Variants in FOXJ3 observed in about 807,000 individuals in gnomAD.
FOXJ3 encodes forkhead box protein J3.
FOXJ3 carries 22 observed loss-of-function variants against 76.1 expected under a neutral mutation model. The observed-to-expected ratio is 0.29, with a 90% CI of 0.21 to 0.41. The LOEUF (loss-of-function observed/expected upper bound fraction) is 0.41, where lower values mean the gene tolerates loss of function less well. FOXJ3 is among the 10% of genes least tolerant of loss of function. FOXJ3 has a pLI of 1.00. For missense variants in FOXJ3, 613 were observed against 762.1 expected, an observed-to-expected ratio of 0.80 and a Z score of 2.30; for synonymous variants, 269 against 261.2, an observed-to-expected ratio of 1.03 and a Z score of -0.29.
chr1:42,275,223 A>C (rs967880247), intron 3 of FOXJ3, among the ~76,000 whole-genome samples: 1 of 152,206 alleles, frequency 6.6e-6, no homozygotes, highest in Non-Finnish European at 1.5e-5. Context: ...AATGTCTCTA[A>C]TAAATCCAGT....
chr1:42,199,676 A>G (rs1646721519), intron 6 of FOXJ3, among the ~76,000 whole-genome samples: 2 of 151,992 alleles, frequency 1.3e-5, no homozygotes, highest in Non-Finnish European at 2.9e-5. Context: ...TATTTTTAAT[A>G]CTGAAGATTG....
chr1:42,251,196 G>T (rs1022245504), intron 4 of FOXJ3, among the ~76,000 whole-genome samples: 1 of 152,082 alleles, frequency 6.6e-6, no homozygotes. Context: ...AAAGTGACAG[G>T]GGTTTGGGGG....
chr1:42,285,117 T>C (rs1031328308), intron 2 of FOXJ3, among the ~76,000 whole-genome samples: 1 of 152,186 alleles, frequency 6.6e-6, no homozygotes, highest in Admixed American at 6.5e-5. Flanking sequence ...TTTCCTTCAA[T>C]TTTTATTATA....
At chr1:42,225,246 T>C (rs1232597278) in intron 5 of FOXJ3, among the ~76,000 whole-genome samples, 2 of 152,020 alleles carry the variant, frequency 1.3e-5, no homozygotes, top group Non-Finnish European at 2.9e-5. Context: ...CTTAGAGGGG[T>C]ATCAATTTAT....
At chr1:42,225,407 C>T (rs1218718600) in intron 5 of FOXJ3, among the ~76,000 whole-genome samples, 1 of 152,006 alleles carries the variant, frequency 6.6e-6, no homozygotes, top group Non-Finnish European at 1.5e-5. Flanking sequence ...ATTATATAAC[C>T]TCTCACTTCC....
At chr1:42,268,572 A>C (rs1468715202) in intron 3 of FOXJ3, among the ~76,000 whole-genome samples, 1 of 152,224 alleles carries the variant, frequency 6.6e-6, no homozygotes, top group African/African-American at 2.4e-5. Context: ...AATATAAAAA[A>C]TAAATTGTAT....
intron 3 of FOXJ3, among the ~76,000 whole-genome samples, chr1:42,269,811 G>T (rs1386405236): frequency 1.3e-5 from 2 of 152,050 alleles, no homozygotes; most frequent in Non-Finnish European, 2.9e-5. Flanking sequence ...GCCTACCTTA[G>T]ATCTGCCTAT....
chr1:42,300,537 A>G (rs979255032), intron 2 of FOXJ3, among the ~76,000 whole-genome samples: 1 of 152,134 alleles, frequency 6.6e-6, no homozygotes, highest in East Asian at 1.9e-4. Flanking sequence ...GTATGTTGAG[A>G]GGCCAAGGCG....
At chr1:42,211,527 T>C (rs1204697313) in intron 5 of FOXJ3, among the ~76,000 whole-genome samples, 2 of 151,522 alleles carry the variant, frequency 1.3e-5, no homozygotes, top group East Asian at 3.9e-4. Flanking sequence ...GGCTGGGAAC[T>C]TTGCCCACCA....
At chr1:42,266,824 C>T (rs909073801) in intron 3 of FOXJ3, among the ~76,000 whole-genome samples, 1 of 152,108 alleles carries the variant, frequency 6.6e-6, no homozygotes, top group East Asian at 1.9e-4. Flanking sequence ...GGCAGCAAAA[C>T]CTGTCACCCA....
At chr1:42,298,696 T>C (rs1653945291) in intron 2 of FOXJ3, among the ~76,000 whole-genome samples, 1 of 152,130 alleles carries the variant, frequency 6.6e-6, no homozygotes, top group African/African-American at 2.4e-5. Context: ...TCTGCTAGCT[T>C]TTTGTGTGGT....
In FOXJ3 at chr1:42,231,234, G is replaced by A. The variant is rs377331055; in HGVS notation, c.445-3268C>T. On this transcript the variant is annotated intron_variant, in intron 4 of 12. Coordinates refer to ENST00000361346, the MANE Select transcript of FOXJ3 (RefSeq NM_014947.5). ...CCAGCTACTCGGGAGGCTGAGGCAG[G>A]AGAATGGCGTGAACCCAGAAGGCAG... Among the ~76,000 whole-genome samples the A allele has an allele frequency of 3.2e-4, 49 of 152,198 alleles. No individual in the cohort carries two copies. In the South Asian group the frequency reaches 0.01, roughly 32 times the overall value.
intron 2 of FOXJ3, among the ~76,000 whole-genome samples, chr1:42,298,454 G>A (rs900054775): frequency 1.3e-5 from 2 of 152,138 alleles, no homozygotes; most frequent in East Asian, 3.8e-4. Flanking sequence ...TAGTTTATGA[G>A]CACAGAAATG....
intron 1 of FOXJ3, among the ~76,000 whole-genome samples, chr1:42,313,509 A>G (rs930131293): frequency 3.9e-5 from 6 of 152,200 alleles, no homozygotes; most frequent in Non-Finnish European, 7.3e-5. Flanking sequence ...AAATGTATTC[A>G]TAACTAAAAA....
intron 4 of FOXJ3, among the ~76,000 whole-genome samples, chr1:42,248,721 CTGT>C (rs1207997894): frequency 2.2e-5 from 3 of 133,540 alleles, no homozygotes; most frequent in South Asian, 2.4e-4. Flanking sequence ...CTCAAGTCTC[CTGT>C]TTTTTCTTTT....
intron 2 of FOXJ3, among the ~76,000 whole-genome samples, chr1:42,286,634 A>G (rs988897398): frequency 6.6e-6 from 1 of 152,116 alleles, no homozygotes; most frequent in African/African-American, 2.4e-5. Flanking sequence ...AGGGTTTCCT[A>G]AATTTTTTTT....
chr1:42,182,263 G>T lies in FOXJ3; in HGVS notation c.1646-239C>A, dbSNP rs186025388. 5.9e-4 allele frequency among the ~76,000 whole-genome samples: 90 copies of T among 152,298 alleles called. 1 individual carries two copies. The highest frequency in any genetic ancestry group is 1.2e-3 in the Non-Finnish European group (79 of 68,018). ...ATGCTAGCGCTGCCACTAACTGTAC[G>T]CTGGTAGGCAAGTTATGTCTATTAT... is the stretch of plus-strand genomic sequence containing the variant. On this transcript the variant is annotated intron_variant, in intron 11 of 12. Coordinates refer to ENST00000361346, the MANE Select transcript of FOXJ3 (RefSeq NM_014947.5).
intron 5 of FOXJ3, among the ~76,000 whole-genome samples, chr1:42,223,483 A>G (rs779057382): frequency 1.3e-5 from 2 of 152,214 alleles, no homozygotes; most frequent in Non-Finnish European, 2.9e-5. Flanking sequence ...AATTATGCCC[A>G]CCTGTACTTC....
intron 2 of FOXJ3, among the ~76,000 whole-genome samples, chr1:42,282,398 A>G (rs1231345010): frequency 6.6e-6 from 1 of 152,120 alleles, no homozygotes; most frequent in Non-Finnish European, 1.5e-5. Context: ...CTCCTACTAT[A>G]CTACATCTAA....
Sources: allele counts gnomAD v4.1 joint callset (sites outside exome capture counted in the v4.1 genomes callset), GRCh38; gene constraint gnomAD v4.1.1; transcripts MANE v1.5; gene names NCBI Gene and HGNC (gene_info 2026-07-23, HGNC 2026-07-21).